ZNHIT3: variants seen among roughly 807,000 people sequenced by gnomAD.
ZNHIT3 encodes zinc finger HIT domain-containing protein 3.
Under a neutral mutation model 19.9 loss-of-function variants are expected in ZNHIT3, and 27 were observed. The ratio of observed to expected loss-of-function variants is 1.36; its 90% confidence interval spans 1.00 to 1.87. The LOEUF (loss-of-function observed/expected upper bound fraction) is 1.87, where lower values mean the gene tolerates loss of function less well. ZNHIT3 is among the 40% of genes most tolerant of loss of function. ZNHIT3 has a pLI of 0.00. For missense variants in ZNHIT3, 215 were observed against 185.6 expected (o/e 1.16, Z -0.92); for synonymous variants, 81 against 65.7 (o/e 1.23, Z -1.13).
At chr17:36,494,050 G>C in intron 4 of ZNHIT3, 44 bp downstream of exon 4, 1 of 1,448,532 alleles carries the variant, frequency 6.9e-7, no homozygotes, top group Non-Finnish European at 9.6e-7. Context: ...TACATTTACT[G>C]TGTTGTAAGG....
downstream of ZNHIT3, chr17:36,498,630 C>G (rs1196977402): frequency 1.7e-5 from 25 of 1,454,632 alleles, no homozygotes; most frequent in Non-Finnish European, 2.2e-5. Flanking sequence ...GAAATCAAAA[C>G]TATCTTTAAC....
rs1567719643 is a variant in ZNHIT3, at chr17:36,495,666, T to C, written c.*262T>C. 3 of 1,281,634 alleles carry C rather than the reference T, an allele frequency of 2.3e-6. No individual in the cohort carries two copies. Among genetic ancestry groups the C allele is most frequent in the Non-Finnish European group, 2.9e-6 (3 of 1,017,436 alleles). The allele number at this position is 1,281,634 out of a possible 1,614,324, so 79.4% of individuals were successfully genotyped here. A position where few individuals can be genotyped will look rare whatever the true frequency, so the allele number is the denominator to read the frequency against. ...TTTAAATGTTTTACTTTTGGTACAG[T>C]TGATAGACATCATAAACGATATCAA... On this transcript the variant is annotated 3_prime_UTR_variant, in exon 5 of 5. Coordinates refer to ENST00000617429, the MANE Select transcript of ZNHIT3 (RefSeq NM_004773.4).
At chr17:36,496,163 G>A, downstream of ZNHIT3, 1 of 1,520,106 alleles carries the variant, frequency 6.6e-7, no homozygotes, top group South Asian at 1.2e-5. Context: ...GAGCACTGTG[G>A]GAATAGTCTG....
downstream of ZNHIT3, chr17:36,498,580 T>TA (rs760049660): frequency 1.3e-6 from 2 of 1,592,360 alleles, no homozygotes; most frequent in South Asian, 2.2e-5. Flanking sequence ...AAATATCCCT[T>TA]TATAGCTTTA....
At position 36,492,917 on chromosome 17, in the gene ZNHIT3, A is replaced by C; in HGVS notation, c.205+18A>C. ...AAACAAAGGTGGGTTGGTTGACTTC[A>C]AACAAATCTACAAGGGACTTCACAT... is the stretch of plus-strand genomic sequence containing the variant. On this transcript the variant is annotated intron_variant, in intron 3 of 4. Transcript: ENST00000617429. 8.1e-6 allele frequency: 13 copies of C among 1,610,692 alleles called. No homozygotes were observed. The highest frequency in any genetic ancestry group is 1.1e-5 in the Non-Finnish European group (13 of 1,176,920).
At chr17:36,498,632 ATCTT>A (rs1490144169), downstream of ZNHIT3, 2 of 1,451,160 alleles carry the variant, frequency 1.4e-6, no homozygotes, top group Non-Finnish European at 1.8e-6. Flanking sequence ...AATCAAAACT[ATCTT>A]TAACAAATCA....
chr17:36,499,290 TACA>T, downstream of ZNHIT3: 1 of 605,034 alleles, frequency 1.7e-6, no homozygotes, highest in South Asian at 1.9e-5. Flanking sequence ...AATAAATTGC[TACA>T]AATAAGGTTC....
intron 3 of ZNHIT3, 34 bp from the exon 4 acceptor site, chr17:36,493,892 A>G: frequency 6.6e-7 from 1 of 1,507,564 alleles, no homozygotes; most frequent in Middle Eastern, 1.7e-4. Flanking sequence ...CCTCCTTTTT[A>G]GCCATGAGCC....
intron 2 of ZNHIT3, among the ~76,000 whole-genome samples, chr17:36,488,678 T>A (rs2070649442): frequency 6.6e-6 from 1 of 152,244 alleles, no homozygotes; most frequent in East Asian, 1.9e-4. Flanking sequence ...TTGGTTGATT[T>A]TTCTTTTTAA....
chr17:36,496,425 T>TG (rs1444917048), downstream of ZNHIT3: 1 of 1,613,320 alleles, frequency 6.2e-7, no homozygotes, highest in South Asian at 1.1e-5. Flanking sequence ...GAGAGAGAGA[T>TG]GCAGCTTTAG....
chr17:36,496,969 G>T (rs2071033990), downstream of ZNHIT3, among the ~76,000 whole-genome samples: 1 of 152,068 alleles, frequency 6.6e-6, no homozygotes, highest in Non-Finnish European at 1.5e-5. Flanking sequence ...TGGCTTACTG[G>T]GGTGACTCAC....
In ZNHIT3 at chr17:36,495,297, G is replaced by C. The variant is rs758467742; in HGVS notation, c.361G>C (p.Glu121Gln). 3 of 1,613,864 alleles carry C rather than the reference G, an allele frequency of 1.9e-6. No homozygotes were observed. The highest frequency in any genetic ancestry group is 2.5e-6 in the Non-Finnish European group (3 of 1,179,976). The stretch of plus-strand genomic sequence containing the variant: ...GTTGATGGTCAACCTCGATCAGGGA[G>C]AAGACAAAGCAAAGCTCATGAGAGC... ...RQLMVNLDQG[E>Q]DKAKLMRAYM... The change falls in exon 5 of 5, where the codon GAA becomes CAA. Residue 121 changes from glutamate to glutamine, a missense_variant. By Grantham distance (29) the Glu-to-Gln change is conservative. Transcript: ENST00000617429.
chr17:36,488,117 GATGTAGA>G (rs1369868245), intron 2 of ZNHIT3, among the ~76,000 whole-genome samples: 1 of 145,134 alleles, frequency 6.9e-6, no homozygotes, highest in Non-Finnish European at 1.5e-5. Context: ...AAAAAAGCTT[GATGTAGA>G]TTCTTTCAGC....
chr17:36,493,674 A>G (rs2070778184), intron 3 of ZNHIT3, among the ~76,000 whole-genome samples: 1 of 152,248 alleles, frequency 6.6e-6, no homozygotes, highest in Non-Finnish European at 1.5e-5. Context: ...CCACATATAC[A>G]GTAAGGATGT....
chr17:36,487,284 C>T (rs1266962720), intron 2 of ZNHIT3, among the ~76,000 whole-genome samples: 1 of 152,224 alleles, frequency 6.6e-6, no homozygotes, highest in Non-Finnish European at 1.5e-5. Context: ...GAGGTCTACC[C>T]TAGCAGTTTC....
At chr17:36,494,111 G>A in intron 4 of ZNHIT3, 105 bp downstream of exon 4, 1 of 806,818 alleles carries the variant, frequency 1.2e-6, no homozygotes, top group Non-Finnish European at 2.0e-6. Context: ...ATGGCATGTA[G>A]GGCTCTTACT....
chr17:36,494,967 G>A (rs769290601), intron 4 of ZNHIT3, among the ~76,000 whole-genome samples: 11 of 152,122 alleles, frequency 7.2e-5, no homozygotes, highest in South Asian at 2.1e-4. Flanking sequence ...TGCATTTAAT[G>A]CGGAAATAGT....
downstream of ZNHIT3, chr17:36,496,323 G>A: frequency 6.2e-7 from 1 of 1,614,024 alleles, no homozygotes; most frequent in Non-Finnish European, 8.5e-7. Flanking sequence ...TCTGATTAAA[G>A]CCTGTAATGC....
downstream of ZNHIT3, chr17:36,499,259 C>A: frequency 8.2e-5 from 59 of 717,538 alleles, no homozygotes; most frequent in Middle Eastern, 2.6e-4. Flanking sequence ...GTCAAAGTTT[C>A]AAATACGTTT....
Sources: allele counts gnomAD v4.1 joint callset (sites outside exome capture counted in the v4.1 genomes callset), GRCh38; gene constraint gnomAD v4.1.1; transcripts MANE v1.5; gene names NCBI Gene and HGNC (gene_info 2026-07-23, HGNC 2026-07-21).